TESK2: variants seen among roughly 807,000 people sequenced by gnomAD.
TESK2 encodes the protein dual specificity testis-specific protein kinase 2.
In TESK2, 39 loss-of-function variants were observed where a neutral mutation model predicts 57.1. The observed-to-expected ratio is 0.68, with a 90% CI of 0.53 to 0.89. TESK2 has a LOEUF of 0.89. TESK2 is among the 40% of genes least tolerant of loss of function. The pLI is 0.00. For missense variants in TESK2, 646 were observed against 732.1 expected (o/e 0.88, Z 1.36); for synonymous variants, 249 against 267.9 (o/e 0.93, Z 0.69).
chr1:45,415,728 A>G (rs1570706149), intron 3 of TESK2, among the ~76,000 whole-genome samples: 1 of 152,214 alleles, frequency 6.6e-6, no homozygotes, highest in East Asian at 1.9e-4. Context: ...TAAAATATTT[A>G]CTGTCATTAC....
chr1:45,351,083 G>A (rs1647224151), intron 5 of TESK2, among the ~76,000 whole-genome samples: 1 of 152,252 alleles, frequency 6.6e-6, no homozygotes, highest in Non-Finnish European at 1.5e-5. Context: ...AACTAAAGGT[G>A]CAATTCATAA....
intron 2 of TESK2, among the ~76,000 whole-genome samples, chr1:45,436,735 G>A (rs1290776187): frequency 1.3e-4 from 20 of 149,624 alleles, no homozygotes; most frequent in African/African-American, 3.7e-4. Flanking sequence ...TGATCCTCCT[G>A]CCTTGGCCTC....
chr1:45,478,380 A>C (rs373051900), intron 1 of TESK2, among the ~76,000 whole-genome samples: 3 of 152,212 alleles, frequency 2.0e-5, no homozygotes, highest in African/African-American at 7.2e-5. Context: ...CATCTCTTTC[A>C]CTGGACTATG....
At chr1:45,392,924 A>G (rs1249950023) in intron 3 of TESK2, among the ~76,000 whole-genome samples, 1 of 152,218 alleles carries the variant, frequency 6.6e-6, no homozygotes, top group Non-Finnish European at 1.5e-5. Context: ...ACAAGTTGCT[A>G]AACACACATT....
intron 2 of TESK2, among the ~76,000 whole-genome samples, chr1:45,456,248 G>A (rs1245402378): frequency 6.6e-6 from 1 of 152,036 alleles, no homozygotes; most frequent in East Asian, 1.9e-4. Flanking sequence ...GTTGGGCGCG[G>A]TGGCTCATGC....
At chr1:45,420,398 C>G (rs1557565903) in intron 3 of TESK2, among the ~76,000 whole-genome samples, 1 of 30,578 alleles carries the variant, frequency 3.3e-5, no homozygotes, top group Non-Finnish European at 7.7e-5. Flanking sequence ...GCCATTATAC[C>G]TGGCTAATTT....
intron 5 of TESK2, among the ~76,000 whole-genome samples, chr1:45,350,359 G>A (rs932657517): frequency 6.6e-6 from 1 of 152,152 alleles, no homozygotes. Flanking sequence ...ACTGAATAAA[G>A]CCACCTGAGT....
chr1:45,423,717 A>G (rs1465203671), intron 2 of TESK2, among the ~76,000 whole-genome samples: 2 of 152,174 alleles, frequency 1.3e-5, no homozygotes, highest in African/African-American at 4.8e-5. Flanking sequence ...GGGCCACACC[A>G]CTCACACTAT....
At chr1:45,358,435 G>A (rs940457922) in intron 4 of TESK2, among the ~76,000 whole-genome samples, 3 of 151,960 alleles carry the variant, frequency 2.0e-5, no homozygotes, top group African/African-American at 7.3e-5. Context: ...CCATGATTGT[G>A]CCACTAGATT....
At chr1:45,487,075 C>G (rs780282574) in intron 1 of TESK2, among the ~76,000 whole-genome samples, 1 of 151,966 alleles carries the variant, frequency 6.6e-6, no homozygotes, top group Admixed American at 6.6e-5. Context: ...GTGATCCACC[C>G]GCCTTGGCCT....
In TESK2 at chr1:45,347,633, G is replaced by T; in HGVS notation, c.684C>A (p.Leu228=). ...CCTTTTCATTATAGGGCTCATCTCG[G>T]AGAACCTCAGGTGCCATCCAGAATG... ...GSPFWMAPEV[L]RDEPYNEKAD... The change falls in exon 7 of 11, where the codon CTC becomes CTA. Residue 228 remains leucine, a synonymous_variant. Transcript: ENST00000372086. 1 of 1,614,120 alleles carries T rather than the reference G, an allele frequency of 6.2e-7. No individual in the cohort carries two copies. Among genetic ancestry groups the T allele is most frequent in the Non-Finnish European group, 8.5e-7 (1 of 1,180,018 alleles).
intron 3 of TESK2, among the ~76,000 whole-genome samples, chr1:45,397,788 G>A (rs1253399402): frequency 1.3e-5 from 2 of 152,122 alleles, no homozygotes; most frequent in Non-Finnish European, 2.9e-5. Flanking sequence ...ATTTTTCAAA[G>A]CTCTATGAAT....
intron 1 of TESK2, among the ~76,000 whole-genome samples, chr1:45,483,533 G>A (rs1484292998): frequency 1.3e-5 from 2 of 151,806 alleles, no homozygotes; most frequent in Non-Finnish European, 2.9e-5. Context: ...GGCAGGCAGA[G>A]GTTGCAGTGA....
chr1:45,344,766 A>C lies in TESK2; in HGVS notation c.*74T>G, dbSNP rs746304374. On this transcript the variant is annotated 3_prime_UTR_variant, in exon 11 of 11. Transcript: ENST00000372086. ...CTCTGTAGGCTCCAGGGAAGAATCA[A>C]GGCTGTGCACCTAGGGGGCCATATG... 4 of 1,389,082 alleles carry C rather than the reference A, an allele frequency of 2.9e-6. No individual in the cohort carries two copies. Among genetic ancestry groups the C allele is most frequent in the Non-Finnish European group, 4.0e-6 (4 of 1,009,056 alleles). The allele number at this position is 1,389,082 out of a possible 1,614,324, so 86.0% of individuals were successfully genotyped here. A position where few individuals can be genotyped will look rare whatever the true frequency, so the allele number is the denominator to read the frequency against.
At chr1:45,419,760 C>G (rs746965871) in intron 3 of TESK2, among the ~76,000 whole-genome samples, 3 of 151,996 alleles carry the variant, frequency 2.0e-5, no homozygotes, top group East Asian at 3.9e-4. Flanking sequence ...GAGCTGAGAT[C>G]GAGCCATTGC....
At chr1:45,420,564 A>ATT (rs200053502) in intron 3 of TESK2, among the ~76,000 whole-genome samples, 44 of 125,708 alleles carry the variant, frequency 3.5e-4, no homozygotes, top group South Asian at 5.1e-4. Flanking sequence ...GCCAAATAAA[A>ATT]TTTTTTTTTT....
intron 4 of TESK2, among the ~76,000 whole-genome samples, chr1:45,380,060 T>C (rs1208524860): frequency 2.0e-5 from 3 of 152,026 alleles, no homozygotes; most frequent in Non-Finnish European, 4.4e-5. Flanking sequence ...CACCCATGCC[T>C]GGCTAATTTT....
At chr1:45,443,644 C>A (rs1458156981) in intron 2 of TESK2, among the ~76,000 whole-genome samples, 1 of 148,444 alleles carries the variant, frequency 6.7e-6, no homozygotes, top group Non-Finnish European at 1.5e-5. Context: ...TAAAGTAATC[C>A]ATCAACCAAT....
chr1:45,463,473 C>A (rs2149301858), intron 1 of TESK2, among the ~76,000 whole-genome samples: 1 of 152,252 alleles, frequency 6.6e-6, no homozygotes, highest in Non-Finnish European at 1.5e-5. Flanking sequence ...AGAGATTGTC[C>A]TTTCCCCAGT....
Sources: allele counts gnomAD v4.1 joint callset (sites outside exome capture counted in the v4.1 genomes callset), GRCh38; gene constraint gnomAD v4.1.1; transcripts MANE v1.5; gene names NCBI Gene and HGNC (gene_info 2026-07-23, HGNC 2026-07-21).